PCSK5: variants seen among roughly 807,000 people sequenced by gnomAD.
PCSK5 encodes prohormone convertase 5.
Under a neutral mutation model 233.2 loss-of-function variants are expected in PCSK5, and 129 were observed. The ratio of observed to expected loss-of-function variants is 0.55; its 90% confidence interval spans 0.48 to 0.64. The LOEUF (loss-of-function observed/expected upper bound fraction) is 0.64, where lower values mean the gene tolerates loss of function less well. Ranked by LOEUF, PCSK5 falls within the 30% of genes least tolerant of loss-of-function variation. The pLI is 0.00. For missense variants in PCSK5, 2,076 were observed against 2,430.1 expected, an observed-to-expected ratio of 0.85 and a Z score of 3.06; for synonymous variants, 825 against 879.2, an observed-to-expected ratio of 0.94 and a Z score of 1.09.
chr9:76,323,042 C>A lies in PCSK5; in HGVS notation c.4103-10C>A. 6.6e-7 allele frequency: 1 copy of A among 1,521,326 alleles called. No homozygotes were observed. Among genetic ancestry groups the A allele is most frequent in the Non-Finnish European group, 9.0e-7 (1 of 1,109,288 alleles). 94.2% of individuals were successfully genotyped at this position (1,521,326 alleles called of 1,614,324 possible). ...CCCGGGGATAACTTGCTGCTTCCTCCTTTTCCCAGAGTGCACGCCTGAGTT... is the reference window on the plus strand; with the variant it reads ...CCCGGGGATAACTTGCTGCTTCCTCATTTTCCCAGAGTGCACGCCTGAGTT... On this transcript the variant is annotated splice_polypyrimidine_tract_variant and intron_variant, in intron 31 of 37. Coordinates refer to ENST00000674117, the MANE Select transcript of PCSK5 (RefSeq NM_001372043.1).
intron 8 of PCSK5, among the ~76,000 whole-genome samples, chr9:76,104,074 T>C (rs1005819164): frequency 6.6e-6 from 1 of 152,200 alleles, no homozygotes; most frequent in Non-Finnish European, 1.5e-5. Context: ...ATATTCCATG[T>C]GGTTCCAGTT....
intron 20 of PCSK5, among the ~76,000 whole-genome samples, chr9:76,204,538 C>T (rs942763388): frequency 6.6e-6 from 1 of 151,726 alleles, no homozygotes; most frequent in Non-Finnish European, 1.5e-5. Context: ...GTCCCGGTGG[C>T]CAAGCCTCCC....
At chr9:76,270,323 G>A (rs76124707) in intron 24 of PCSK5, among the ~76,000 whole-genome samples, 1,798 of 152,296 alleles carry the variant, frequency 0.012, 13 homozygotes, top group Non-Finnish European at 0.017. Flanking sequence ...AATGTGAAAT[G>A]TACCTAAGCA....
chr9:75,935,515 G>A (rs1436767216), intron 2 of PCSK5, among the ~76,000 whole-genome samples: 1 of 152,018 alleles, frequency 6.6e-6, no homozygotes, highest in African/African-American at 2.4e-5. Flanking sequence ...ATAACCGTAA[G>A]TATAACAATA....
chr9:76,129,458 T>C (rs938079079), intron 9 of PCSK5, among the ~76,000 whole-genome samples: 33 of 152,334 alleles, frequency 2.2e-4, no homozygotes, highest in East Asian at 1.9e-4. Context: ...GCTCCTCTTA[T>C]TGATAAATTC....
chr9:76,224,180 G>A (rs1157451198), intron 20 of PCSK5, among the ~76,000 whole-genome samples: 1 of 152,172 alleles, frequency 6.6e-6, no homozygotes, highest in Non-Finnish European at 1.5e-5. Context: ...CCCTTATCAG[G>A]GAGGGAAAGG....
chr9:76,122,906 C>T (rs1210122634), intron 9 of PCSK5, among the ~76,000 whole-genome samples: 1 of 148,264 alleles, frequency 6.7e-6, no homozygotes, highest in Non-Finnish European at 1.5e-5. Flanking sequence ...TCTTGGCTCA[C>T]TGCAACCTCC....
intron 1 of PCSK5, among the ~76,000 whole-genome samples, chr9:75,919,863 C>G (rs753005817): frequency 6.6e-6 from 1 of 152,160 alleles, no homozygotes; most frequent in Non-Finnish European, 1.5e-5. Context: ...CAGATGGGAA[C>G]AAGTGAACAA....
intron 8 of PCSK5, among the ~76,000 whole-genome samples, chr9:76,105,009 T>A (rs1316805013): frequency 2.0e-5 from 3 of 152,152 alleles, no homozygotes; most frequent in African/African-American, 7.2e-5. Flanking sequence ...CAGTTCCTTT[T>A]AACAATCCAG....
At chr9:75,921,703 A>T (rs1823267724) in intron 1 of PCSK5, among the ~76,000 whole-genome samples, 1 of 152,196 alleles carries the variant, frequency 6.6e-6, no homozygotes, top group South Asian at 2.1e-4. Flanking sequence ...AGAACTTTTC[A>T]TAAGAATGGC....
chr9:76,309,673 C>A (rs1828807237), intron 29 of PCSK5, among the ~76,000 whole-genome samples: 1 of 146,100 alleles, frequency 6.8e-6, no homozygotes, highest in African/African-American at 2.6e-5. Context: ...CAAGACGCTG[C>A]CTCAAAAAAA....
At chr9:76,040,377 C>CTCTCTCTG (rs1563988616) in intron 5 of PCSK5, among the ~76,000 whole-genome samples, 1,475 of 59,346 alleles carry the variant, frequency 0.025, 5 homozygotes, top group Non-Finnish European at 0.03. Context: ...CTCTCTCTCT[C>CTCTCTCTG]TCTCTCTGTC....
At chr9:76,034,317 T>C (rs1365256842) in intron 5 of PCSK5, among the ~76,000 whole-genome samples, 1 of 152,136 alleles carries the variant, frequency 6.6e-6, no homozygotes, top group Non-Finnish European at 1.5e-5. Flanking sequence ...CCTATACCCT[T>C]GTTAAGAGTC....
At chr9:76,320,740 C>T (rs1829174016) in intron 30 of PCSK5, among the ~76,000 whole-genome samples, 1 of 151,844 alleles carries the variant, frequency 6.6e-6, no homozygotes, top group Non-Finnish European at 1.5e-5. Flanking sequence ...TCCCAGAGTG[C>T]TGGGATTACA....
At chr9:76,215,881 G>A (rs1384046713) in intron 20 of PCSK5, among the ~76,000 whole-genome samples, 1 of 152,116 alleles carries the variant, frequency 6.6e-6, no homozygotes, top group Admixed American at 6.5e-5. Context: ...AGAGGTTGCA[G>A]TAAGCCAAGA....
intron 16 of PCSK5, among the ~76,000 whole-genome samples, chr9:76,183,609 T>TA (rs1386105441): frequency 4.6e-5 from 7 of 152,256 alleles, no homozygotes; most frequent in African/African-American, 1.7e-4. Context: ...GTTAAGATTC[T>TA]ATGCATGTGC....
chr9:75,891,108 G>A lies in PCSK5; in HGVS notation c.-74G>A, dbSNP rs1432080520. The A allele has an allele frequency of 9.2e-6, 11 of 1,194,700 alleles. No homozygotes were observed. The highest frequency in any genetic ancestry group is 1.1e-5 in the Non-Finnish European group (10 of 913,876). The allele number at this position is 1,194,700 out of a possible 1,614,324, so 74.0% of individuals were successfully genotyped here. A position where few individuals can be genotyped will look rare whatever the true frequency, so the allele number is the denominator to read the frequency against. ...GGCTGCTCGCCGGGCGGCGCAGGCC[G>A]GAGAAGTTAGTTGTGCGCGCCCTTA... On this transcript the variant is annotated 5_prime_UTR_variant, in exon 1 of 38. Transcript: ENST00000674117.
At chr9:76,193,541 G>GAA in intron 20 of PCSK5, 79 of 482,556 alleles carry the variant, frequency 1.6e-4, no homozygotes, top group Middle Eastern at 5.4e-4. Flanking sequence ...AACTTAAATG[G>GAA]AAAAAAAAAT....
At chr9:75,906,113 A>G (rs988460882) in intron 1 of PCSK5, among the ~76,000 whole-genome samples, 4 of 152,188 alleles carry the variant, frequency 2.6e-5, no homozygotes, top group African/African-American at 7.2e-5. Context: ...AATTATTTCA[A>G]ATTATGATAG....
Sources: allele counts gnomAD v4.1 joint callset (sites outside exome capture counted in the v4.1 genomes callset), GRCh38; gene constraint gnomAD v4.1.1; transcripts MANE v1.5; gene names NCBI Gene and HGNC (gene_info 2026-07-23, HGNC 2026-07-21).